PKHD1: variants seen among roughly 807,000 people sequenced by gnomAD.
The protein encoded by PKHD1 is fibrocystin.
A neutral mutation model predicts 412.0 loss-of-function variants in PKHD1; 291 were observed. The observed-to-expected ratio is 0.71, with a 90% CI of 0.64 to 0.78. The LOEUF (loss-of-function observed/expected upper bound fraction) is 0.78, where lower values mean the gene tolerates loss of function less well. Ranked by LOEUF, PKHD1 falls within the 30% of genes least tolerant of loss-of-function variation. PKHD1 has a pLI of 0.00. For synonymous variants in PKHD1, 1,777 were observed against 1,821.5 expected, an observed-to-expected ratio of 0.98 and a Z score of 0.62; for missense variants, 4,825 against 4,950.7, an observed-to-expected ratio of 0.97 and a Z score of 0.76.
intron 21 of PKHD1, among the ~76,000 whole-genome samples, chr6:52,050,544 T>C (rs961297792): frequency 6.6e-6 from 1 of 152,202 alleles, no homozygotes; most frequent in African/African-American, 2.4e-5. Context: ...AAAAGTTCAA[T>C]AACCCCACAG....
intron 56 of PKHD1, among the ~76,000 whole-genome samples, chr6:51,753,613 G>A (rs944001728): frequency 2.6e-5 from 4 of 152,164 alleles, no homozygotes; most frequent in Admixed American, 6.5e-5. Context: ...GTGGGTACTG[G>A]AACAGGTCAC....
intron 37 of PKHD1, among the ~76,000 whole-genome samples, chr6:51,923,871 C>CA (rs1390799261): frequency 6.6e-6 from 1 of 152,050 alleles, no homozygotes; most frequent in Non-Finnish European, 1.5e-5. Context: ...TATGTGTACA[C>CA]AAAATAGAAG....
chr6:52,068,361 G>A (rs1028793496), intron 11 of PKHD1, among the ~76,000 whole-genome samples: 4 of 152,162 alleles, frequency 2.6e-5, no homozygotes, highest in Non-Finnish European at 5.9e-5. Flanking sequence ...AAATGTAAAA[G>A]AGCTGTGTCA....
chr6:52,077,895 C>T (rs1562296387), intron 5 of PKHD1, among the ~76,000 whole-genome samples: 1 of 151,688 alleles, frequency 6.6e-6, no homozygotes, highest in African/African-American at 2.4e-5. Flanking sequence ...CAACCACTGC[C>T]CCTAGGCCTT....
chr6:51,619,490 A>G lies in PKHD1; in HGVS notation c.11816T>C (p.Val3939Ala). The change falls in exon 67 of 67, where the codon GTG becomes GCG. Residue 3939 changes from valine (V) to alanine (A), a missense_variant. Transcript: ENST00000371117. ...CATCAACTGGTGGGGGCACTGGTTCACCTTGCCCAGCATGACCTTCATTCT... is the reference window on the plus strand; with the variant it reads ...CATCAACTGGTGGGGGCACTGGTTCGCCTTGCCCAGCATGACCTTCATTCT... ...DMRMKVMLGK[V>A]NQCPHQLMNG... 1.9e-6 allele frequency: 3 copies of G among 1,614,042 alleles called. No homozygotes were observed. The highest frequency in any genetic ancestry group is 1.1e-5 in the South Asian group (1 of 91,082).
intron 36 of PKHD1, among the ~76,000 whole-genome samples, chr6:51,952,838 C>T (rs974267113): frequency 6.6e-6 from 1 of 152,114 alleles, no homozygotes; most frequent in Non-Finnish European, 1.5e-5. Context: ...GGTACCATGC[C>T]TGCCAAATAT....
intron 43 of PKHD1, among the ~76,000 whole-genome samples, chr6:51,887,693 G>A (rs546721966): frequency 5.3e-4 from 80 of 152,270 alleles, no homozygotes; most frequent in African/African-American, 1.8e-3. Context: ...CTTCTGCCGT[G>A]AGTAAAGGCT....
At chr6:51,901,828 G>A (rs1191286914) in intron 43 of PKHD1, among the ~76,000 whole-genome samples, 2 of 151,906 alleles carry the variant, frequency 1.3e-5, no homozygotes, top group African/African-American at 4.8e-5. Context: ...ATTTTGTAAA[G>A]CAGATACAAG....
intron 35 of PKHD1, among the ~76,000 whole-genome samples, chr6:51,983,510 T>C (rs1225126904): frequency 1.3e-5 from 2 of 152,202 alleles, no homozygotes; most frequent in African/African-American, 2.4e-5. Flanking sequence ...GCAACACCTT[T>C]GTAATAGGCC....
At chr6:51,933,746 C>T (rs1173445913) in intron 37 of PKHD1, among the ~76,000 whole-genome samples, 3 of 152,230 alleles carry the variant, frequency 2.0e-5, no homozygotes, top group Non-Finnish European at 4.4e-5. Flanking sequence ...AAAACCTTCA[C>T]TTGGCCATGC....
intron 11 of PKHD1, among the ~76,000 whole-genome samples, chr6:52,067,250 C>T (rs1005579691): frequency 2.6e-5 from 4 of 152,190 alleles, no homozygotes; most frequent in Non-Finnish European, 4.4e-5. Flanking sequence ...TTTTAACCCA[C>T]TATTTTATAA....
chr6:51,729,407 A>C (rs1000017812), intron 60 of PKHD1, among the ~76,000 whole-genome samples: 2 of 152,328 alleles, frequency 1.3e-5, no homozygotes, highest in Middle Eastern at 3.4e-3. Context: ...TATTCTTACT[A>C]TAAAAACTAA....
Position 51,619,525 on chromosome 6 carries a change from G to A in PKHD1, c.11786-5C>T. On this transcript the variant is annotated splice_polypyrimidine_tract_variant and splice_region_variant and intron_variant, in intron 66 of 66. Coordinates refer to ENST00000371117, the MANE Select transcript of PKHD1 (RefSeq NM_138694.4). ...GCATGACCTTCATTCTCATATCTGGGGGGAAAAGAAATAGGGGAAGAAATG... is the reference window on the plus strand; with the variant it reads ...GCATGACCTTCATTCTCATATCTGGAGGGAAAAGAAATAGGGGAAGAAATG... 2 of 1,612,532 alleles carry A rather than the reference G, an allele frequency of 1.2e-6. No individual in the cohort carries two copies. Among genetic ancestry groups the A allele is most frequent in the East Asian group, 2.2e-5 (1 of 44,870 alleles).
chr6:52,059,253 C>CT (rs1282772885), intron 15 of PKHD1, among the ~76,000 whole-genome samples: 38 of 98,236 alleles, frequency 3.9e-4, no homozygotes, highest in Non-Finnish European at 6.6e-4. Context: ...TTTTCTTTTT[C>CT]TTTTTCTTTT....
chr6:51,802,483 G>C (rs1054229855), intron 52 of PKHD1, among the ~76,000 whole-genome samples: 1 of 151,458 alleles, frequency 6.6e-6, no homozygotes, highest in African/African-American at 2.5e-5. Context: ...GCATAAACTG[G>C]CAACTCTCAG....
At position 52,076,322 on chromosome 6, in the gene PKHD1, C is replaced by T. The variant is rs200992930; in HGVS notation, c.402G>A (p.Ala134=). 54 of 1,612,016 alleles carry T rather than the reference C, an allele frequency of 3.3e-5. No homozygotes were observed. The highest frequency in any genetic ancestry group is 5.3e-5 in the African/African-American group (4 of 74,970). The change falls in exon 6 of 67, where the codon GCG becomes GCA. Residue 134 remains alanine (A), a synonymous_variant. Transcript: ENST00000371117. ...RDSCTFKFSK[A]QTPIVHQVYP... Reference sequence around the variant, plus strand: ...AAACTTGGTGAACGATGGGTGTCTGCGCCTTGGAAAACTGTTTAGAAAATA... The same window carrying T: ...AAACTTGGTGAACGATGGGTGTCTGTGCCTTGGAAAACTGTTTAGAAAATA...
At chr6:51,699,902 T>A (rs1178720854) in intron 60 of PKHD1, among the ~76,000 whole-genome samples, 1 of 121,532 alleles carries the variant, frequency 8.2e-6, no homozygotes, top group Non-Finnish European at 1.8e-5. Context: ...AAATTTGGCC[T>A]CTGGAATATA....
At chr6:52,000,904 G>A (rs976917390) in intron 35 of PKHD1, among the ~76,000 whole-genome samples, 2 of 152,140 alleles carry the variant, frequency 1.3e-5, no homozygotes, top group Admixed American at 1.3e-4. Context: ...AAACAAAAGA[G>A]GCACAATTAA....
chr6:52,069,838 C>T (rs1810332564), intron 10 of PKHD1, among the ~76,000 whole-genome samples: 1 of 152,144 alleles, frequency 6.6e-6, no homozygotes, highest in Non-Finnish European at 1.5e-5. Context: ...AATTTTATTT[C>T]TTCCAAAATG....
Sources: gnomAD v4.1 joint callset for allele counts (sites outside exome capture counted in the v4.1 genomes callset) on GRCh38, gnomAD v4.1.1 for gene constraint, MANE v1.5 for transcripts, NCBI Gene and HGNC (gene_info 2026-07-23, HGNC 2026-07-21) for gene names.